PACS2: variants seen among roughly 807,000 people sequenced by gnomAD.
The protein encoded by PACS2 is phosphofurin acidic cluster sorting protein 2, also known as PACS1-like protein.
PACS2 carries 36 observed loss-of-function variants against 113.0 expected under a neutral mutation model. The observed-to-expected ratio is 0.32, with a 90% CI of 0.24 to 0.42. The LOEUF is 0.42. PACS2 is among the 10% of genes least tolerant of loss of function. The pLI is 1.00. For missense variants in PACS2, 1,015 were observed against 1,239.5 expected, an observed-to-expected ratio of 0.82 and a Z score of 2.72; for synonymous variants, 589 against 536.1, an observed-to-expected ratio of 1.10 and a Z score of -1.36.
At chr14:105,343,112 T>C (rs587715508) in intron 1 of PACS2, among the ~76,000 whole-genome samples, 58 of 152,226 alleles carry the variant, frequency 3.8e-4, no homozygotes, top group African/African-American at 1.3e-3. Flanking sequence ...TGCCCCCAGC[T>C]CTGCCTTTTC....
chr14:105,392,105 A>G, intron 22 of PACS2: 1 of 377,360 alleles, frequency 2.6e-6, no homozygotes, highest in Non-Finnish European at 4.8e-6. Context: ...GACGGTCCTC[A>G]TGGGATGAGC....
chr14:105,369,938 C>T (rs1295419467), intron 8 of PACS2, 38 bp downstream of exon 8: 5 of 1,563,034 alleles, frequency 3.2e-6, no homozygotes, highest in Non-Finnish European at 4.3e-6. Flanking sequence ...GCCCCCACGC[C>T]TGCAACAGCA....
intron 6 of PACS2, 63 bp downstream of exon 6, chr14:105,368,210 G>A: frequency 8.2e-7 from 1 of 1,219,496 alleles, no homozygotes; most frequent in Non-Finnish European, 1.2e-6. Context: ...GGGGTCTGTG[G>A]GGTCCTCACC....
intron 1 of PACS2, among the ~76,000 whole-genome samples, chr14:105,341,913 C>T (rs587727456): frequency 6.6e-6 from 1 of 152,302 alleles, no homozygotes; most frequent in African/African-American, 2.4e-5. Flanking sequence ...AGAGGAGCCC[C>T]TGCCTAGGGA....
In PACS2 at chr14:105,340,413, C is replaced by T. The variant is rs1002472881; in HGVS notation, c.120-8080C>T. On this transcript the variant is annotated intron_variant, in intron 1 of 24. Transcript: ENST00000447393. The surrounding 1 kb of genome is among the most constrained non-coding windows in gnomAD (Gnocchi z 4.2). ...AAGCAGTGGTCCCCAACCTTTTTGCCGCCAGGGACCGGTTTTGTGGAAGAC... is the reference window on the plus strand; with the variant it reads ...AAGCAGTGGTCCCCAACCTTTTTGCTGCCAGGGACCGGTTTTGTGGAAGAC... Among the ~76,000 whole-genome samples, 3 of 152,278 alleles carry T rather than the reference C, an allele frequency of 2.0e-5. No individual in the cohort carries two copies. The highest frequency in any genetic ancestry group is 6.5e-5 in the Admixed American group (1 of 15,306).
intron 1 of PACS2, among the ~76,000 whole-genome samples, chr14:105,303,645 T>A (rs1312628766): frequency 6.6e-6 from 1 of 152,258 alleles, no homozygotes; most frequent in Non-Finnish European, 1.5e-5. Flanking sequence ...TAATTACCAC[T>A]TTAGCTGAAT....
intron 4 of PACS2, among the ~76,000 whole-genome samples, chr14:105,359,871 G>A (rs1411813777): frequency 6.6e-6 from 1 of 152,168 alleles, no homozygotes; most frequent in Admixed American, 6.5e-5. Context: ...GATTACAGGC[G>A]TGAGCCACTG....
chr14:105,337,454 C>T (rs2059571178), intron 1 of PACS2, among the ~76,000 whole-genome samples: 2 of 152,208 alleles, frequency 1.3e-5, no homozygotes, highest in Non-Finnish European at 2.9e-5. Context: ...ATATTTACCA[C>T]AATAAAAAAG....
rs143800881 is a variant in PACS2, at chr14:105,394,661, G to A, written c.2704G>A (p.Ala902Thr). 2 of 1,610,696 alleles carry A rather than the reference G, an allele frequency of 1.2e-6. No individual in the cohort carries two copies. Among genetic ancestry groups the A allele is most frequent in the Non-Finnish European group, 1.7e-6 (2 of 1,177,560 alleles). Residue 902 changes from alanine to threonine, a missense_variant, in exon 25 of 25, where the codon GCC (alanine) becomes ACC (threonine). By Grantham distance (58) the Ala-to-Thr change is moderately conservative. Coordinates refer to ENST00000447393, the MANE Select transcript of PACS2 (RefSeq NM_001100913.3). Reference protein sequence around the residue: ...FPICIFGHSKATF With the variant: ...FPICIFGHSKTTF ...CATCTGCATCTTCGGACACTCCAAG[G>A]CCACCTTCTAGCCCCACCCACCAGG...
chr14:105,386,072 C>T (rs1555413513), intron 19 of PACS2, among the ~76,000 whole-genome samples: 2 of 152,216 alleles, frequency 1.3e-5, no homozygotes, highest in Non-Finnish European at 2.9e-5. Context: ...TGTTTTGACC[C>T]TGGGTTTTGA....
At chr14:105,327,077 A>G (rs2059139848) in intron 1 of PACS2, among the ~76,000 whole-genome samples, 1 of 152,234 alleles carries the variant, frequency 6.6e-6, no homozygotes, top group Admixed American at 6.5e-5. Context: ...ATGTTTATAA[A>G]TACAGCACCT....
At chr14:105,331,306 A>G (rs114983235) in intron 1 of PACS2, among the ~76,000 whole-genome samples, 2,315 of 152,256 alleles carry the variant, frequency 0.015, 60 homozygotes, top group African/African-American at 0.051. Flanking sequence ...GCGATGATAT[A>G]GTTGCATGTA....
chr14:105,384,784 G>C, intron 17 of PACS2, 95 bp from the exon 18 acceptor site: 2 of 803,202 alleles, frequency 2.5e-6, no homozygotes, highest in Non-Finnish European at 4.2e-6. Flanking sequence ...CGGGGTACGG[G>C]AGGCCTGGGC....
intron 1 of PACS2, among the ~76,000 whole-genome samples, chr14:105,319,047 A>G (rs1017456053): frequency 1.3e-5 from 2 of 151,706 alleles, no homozygotes; most frequent in Non-Finnish European, 2.9e-5. Context: ...TCCCGGGTTC[A>G]AGCAATTCTC....
At chr14:105,332,393 A>G (rs1441459457) in intron 1 of PACS2, among the ~76,000 whole-genome samples, 1 of 152,182 alleles carries the variant, frequency 6.6e-6, no homozygotes, top group Admixed American at 6.5e-5. Context: ...CCGTGATATC[A>G]GTGGGGAGTG....
chr14:105,392,138 C>G (rs781913448), intron 22 of PACS2: 3 of 337,254 alleles, frequency 8.9e-6, no homozygotes, highest in Non-Finnish European at 1.6e-5. Context: ...GCTGAGGCCC[C>G]GCTAGCCCGC....
At chr14:105,379,061 A>G (rs2080888398) in intron 9 of PACS2, among the ~76,000 whole-genome samples, 2 of 149,010 alleles carry the variant, frequency 1.3e-5, no homozygotes, top group African/African-American at 5.0e-5. Flanking sequence ...GTGGTCCGGA[A>G]AGGCATGGAT....
At chr14:105,393,430 C>A (rs144032528) in intron 24 of PACS2, 95 bp downstream of exon 24, 4 of 712,020 alleles carry the variant, frequency 5.6e-6, no homozygotes, top group Non-Finnish European at 9.4e-6. Flanking sequence ...GCGGGTGTCT[C>A]GCTGTGACAC....
In PACS2 at chr14:105,314,993, C is replaced by G. The variant is rs1023090773; in HGVS notation, c.75C>G (p.Phe25Leu). ...ALNTPVPMNL[F>L]ATWEVDGSSP... Reference sequence around the variant, plus strand: ...ACACGCCCGTGCCCATGAACCTGTTCGCCACCTGGGAGGTGGACGGCTCCA... The same window carrying G: ...ACACGCCCGTGCCCATGAACCTGTTGGCCACCTGGGAGGTGGACGGCTCCA... The change falls in exon 1 of 25, where the codon TTC becomes TTG. Residue 25 changes from phenylalanine to leucine, a missense_variant. By Grantham distance (22) the Phe-to-Leu change is conservative. Coordinates refer to ENST00000447393, the MANE Select transcript of PACS2 (RefSeq NM_001100913.3). 5 of 1,252,522 alleles carry G rather than the reference C, an allele frequency of 4.0e-6. No homozygotes were observed. Among genetic ancestry groups the G allele is most frequent in the South Asian group, 1.6e-5 (1 of 63,080 alleles). The allele number at this position is 1,252,522 out of a possible 1,614,324, so 77.6% of individuals were successfully genotyped here.
Sources: gnomAD v4.1 joint callset for allele counts (sites outside exome capture counted in the v4.1 genomes callset) on GRCh38, gnomAD v4.1.1 for gene constraint, Gnocchi (gnomAD v3.1) non-coding constraint, MANE v1.5 for transcripts, NCBI Gene and HGNC (gene_info 2026-07-23, HGNC 2026-07-21) for gene names.